Variants in SMG6 observed in about 807,000 individuals in gnomAD.
SMG6 encodes the protein telomerase-binding protein EST1A.
Under a neutral mutation model 142.2 loss-of-function variants are expected in SMG6, and 66 were observed. The ratio of observed to expected loss-of-function variants is 0.46; its 90% confidence interval spans 0.38 to 0.57. The LOEUF is 0.57. SMG6 is among the 20% of genes least tolerant of loss of function. SMG6 has a pLI of 0.00. For missense variants in SMG6, 1,793 were observed against 1,832.0 expected, an observed-to-expected ratio of 0.98 and a Z score of 0.39; for synonymous variants, 779 against 702.4, an observed-to-expected ratio of 1.11 and a Z score of -1.72.
intron 10 of SMG6, among the ~76,000 whole-genome samples, chr17:2,191,715 T>C (rs2072169200): frequency 6.6e-6 from 1 of 152,200 alleles, no homozygotes; most frequent in African/African-American, 2.4e-5. Flanking sequence ...CAGCTCCTAT[T>C]ATTCCTATGG....
intron 13 of SMG6, among the ~76,000 whole-genome samples, chr17:2,112,380 C>T (rs532350925): frequency 6.0e-5 from 9 of 151,000 alleles, no homozygotes; most frequent in Non-Finnish European, 1.0e-4. Flanking sequence ...TCGTGGCGGG[C>T]GTCTGGAGTC....
intron 13 of SMG6, chr17:2,122,203 T>C (rs912781114): frequency 6.6e-6 from 1 of 152,110 alleles, no homozygotes; most frequent in African/African-American, 2.4e-5. Context: ...ACAGATAACA[T>C]GATAAGACAA....
rs1405257647 is a variant in SMG6 at position 2,136,034 on chromosome 17, GTGTC to G, written c.3357+36620_3357+36623del. Among the ~76,000 whole-genome samples the G allele has an allele frequency of 1.9e-4, 25 of 128,744 alleles. No individual in the cohort carries two copies. In the East Asian group the frequency reaches 3.1e-3, roughly 16 times the overall value. 84.5% of individuals were successfully genotyped at this position (128,744 alleles called of 152,430 possible). ...TGTGTGTGTGTGTGTGTGTGTGTGT[GTGTC>G]TGTGTGTGTATATATACAGATATAA... On this transcript the variant is annotated intron_variant, in intron 13 of 18. Coordinates refer to ENST00000263073, the MANE Select transcript of SMG6 (RefSeq NM_017575.5).
chr17:2,164,530 C>T (rs1325644769), intron 13 of SMG6, among the ~76,000 whole-genome samples: 2 of 152,062 alleles, frequency 1.3e-5, no homozygotes, highest in Non-Finnish European at 2.9e-5. Flanking sequence ...ATCACTTGAA[C>T]CCAGGAGGTG....
intron 8 of SMG6, among the ~76,000 whole-genome samples, chr17:2,274,839 T>C (rs1037232126): frequency 1.3e-5 from 2 of 152,160 alleles, no homozygotes; most frequent in African/African-American, 2.4e-5. Flanking sequence ...AAACACCTAT[T>C]GGCCACATGC....
chr17:2,297,826 A>T, intron 3 of SMG6, 37 bp downstream of exon 3: 3 of 1,587,656 alleles, frequency 1.9e-6, no homozygotes, highest in Non-Finnish European at 2.6e-6. Context: ...CAGAATGCTG[A>T]AGCCTTTATC....
chr17:2,152,829 A>G (rs1280155442), intron 13 of SMG6, among the ~76,000 whole-genome samples: 1 of 152,236 alleles, frequency 6.6e-6, no homozygotes, highest in African/African-American at 2.4e-5. Context: ...TATTTATCCA[A>G]GAGAAATGAA....
chr17:2,176,983 T>C (rs1436001288), intron 12 of SMG6, among the ~76,000 whole-genome samples: 1 of 152,232 alleles, frequency 6.6e-6, no homozygotes, highest in African/African-American at 2.4e-5. Context: ...GCCGATACAA[T>C]GCAGCCCAGG....
intron 3 of SMG6, 119 bp downstream of exon 3, chr17:2,297,744 A>G: frequency 8.7e-7 from 1 of 1,144,852 alleles, no homozygotes; most frequent in Non-Finnish European, 1.2e-6. Context: ...GAACCCAAGA[A>G]AAGGGCAGTT....
rs113441268 is a variant in SMG6, at chr17:2,280,591, T to C, written c.2661+2056A>G. On this transcript the variant is annotated intron_variant, in intron 8 of 18. Transcript: ENST00000263073. ...AACTGCAGATTTCTTCGAGGGCTGG[T>C]AGCCTAAAATGAAAAGCTCAAACTC... 23 of 985,230 alleles carry C rather than the reference T, an allele frequency of 2.3e-5. No individual in the cohort carries two copies. In the African/African-American group the frequency reaches 3.0e-4, roughly 13 times the overall value. The allele number at this position is 985,230 out of a possible 1,614,324, so 61.0% of individuals were successfully genotyped here. A position where few individuals can be genotyped will look rare whatever the true frequency, so the allele number is the denominator to read the frequency against.
chr17:2,264,649 C>G (rs1189359801), intron 8 of SMG6, among the ~76,000 whole-genome samples: 1 of 152,176 alleles, frequency 6.6e-6, no homozygotes, highest in African/African-American at 2.4e-5. Flanking sequence ...TAGCTATAAT[C>G]TCAGCACTTT....
intron 8 of SMG6, among the ~76,000 whole-genome samples, chr17:2,249,801 A>C (rs755698182): frequency 3.3e-5 from 5 of 152,160 alleles, no homozygotes; most frequent in Non-Finnish European, 5.9e-5. Context: ...AGAATTATTA[A>C]AGGTCTTCTG....
chr17:2,177,711 G>A (rs758849725), intron 12 of SMG6, among the ~76,000 whole-genome samples: 1 of 152,212 alleles, frequency 6.6e-6, no homozygotes, highest in Non-Finnish European at 1.5e-5. Context: ...CAGAGAAGCA[G>A]TACAGATGGG....
intron 9 of SMG6, among the ~76,000 whole-genome samples, chr17:2,241,925 G>A (rs1311922457): frequency 6.6e-6 from 1 of 152,178 alleles, no homozygotes; most frequent in Non-Finnish European, 1.5e-5. Flanking sequence ...TCAGTGAGGG[G>A]CAACTTTGTC....
intron 13 of SMG6, chr17:2,087,279 G>C: frequency 7.8e-7 from 1 of 1,277,452 alleles, no homozygotes; most frequent in Admixed American, 2.4e-5. Context: ...AGCAGATGAA[G>C]CAGGCATGAC....
intron 8 of SMG6, among the ~76,000 whole-genome samples, chr17:2,258,124 C>T (rs1056124813): frequency 4.0e-5 from 6 of 151,222 alleles, no homozygotes; most frequent in Admixed American, 2.6e-4. Context: ...GTGTAGCACA[C>T]TACTCTAAGC....
intron 13 of SMG6, among the ~76,000 whole-genome samples, chr17:2,136,448 T>G (rs947134117): frequency 4.6e-5 from 7 of 152,216 alleles, no homozygotes; most frequent in African/African-American, 1.4e-4. Context: ...TTCTATCTCA[T>G]CTATCTCATT....
At chr17:2,135,636 A>G (rs2070269712) in intron 13 of SMG6, among the ~76,000 whole-genome samples, 2 of 152,244 alleles carry the variant, frequency 1.3e-5, no homozygotes, top group African/African-American at 4.8e-5. Flanking sequence ...TAGAAATGTG[A>G]CTAGTGTGAC....
intron 13 of SMG6, among the ~76,000 whole-genome samples, chr17:2,104,166 T>C (rs1335938383): frequency 2.0e-5 from 3 of 151,998 alleles, no homozygotes; most frequent in Admixed American, 1.3e-4. Context: ...TTAGCCAGGA[T>C]GGTCTTGATC....
Sources: allele counts gnomAD v4.1 joint callset (sites outside exome capture counted in the v4.1 genomes callset), GRCh38; gene constraint gnomAD v4.1.1; transcripts MANE v1.5; gene names NCBI Gene and HGNC (gene_info 2026-07-23, HGNC 2026-07-21).